The following GALNT17 variants were observed in gnomAD, a reference collection of about 807,000 sequenced individuals.
GALNT17 encodes UDP-GalNAc:polypeptide N-acetylgalactosaminyltransferase-like 3.
A neutral mutation model predicts 63.7 loss-of-function variants in GALNT17; 29 were observed. The observed-to-expected ratio is 0.46, with a 90% CI of 0.34 to 0.62. The LOEUF is 0.62. GALNT17 is among the 20% of genes least tolerant of loss of function. GALNT17 has a pLI of 0.01. For missense variants in GALNT17, 603 were observed against 799.6 expected, an observed-to-expected ratio of 0.75 and a Z score of 2.97; for synonymous variants, 305 against 318.3, an observed-to-expected ratio of 0.96 and a Z score of 0.45.
chr7:71,426,786 G>A (rs1786767927), intron 5 of GALNT17, among the ~76,000 whole-genome samples: 1 of 151,934 alleles, frequency 6.6e-6, no homozygotes. Context: ...TGGGCATGGT[G>A]ATGCACACCT....
At chr7:71,197,361 G>A (rs923876907) in intron 1 of GALNT17, among the ~76,000 whole-genome samples, 4 of 133,048 alleles carry the variant, frequency 3.0e-5, no homozygotes, top group Non-Finnish European at 6.2e-5. Context: ...CACCACGGCC[G>A]GCTAATTTTT....
chr7:71,225,332 A>G (rs189245541), intron 1 of GALNT17, among the ~76,000 whole-genome samples: 13 of 152,348 alleles, frequency 8.5e-5, no homozygotes, highest in Admixed American at 2.6e-4. Context: ...AGCATGCACT[A>G]GGGATTATTA....
chr7:71,441,603 A>G (rs1001591561), intron 5 of GALNT17, among the ~76,000 whole-genome samples: 1 of 152,118 alleles, frequency 6.6e-6, no homozygotes, highest in South Asian at 2.1e-4. Context: ...CCCTGCATGC[A>G]TTAGGTATTT....
chr7:71,672,562 T>C (rs1438475773), intron 8 of GALNT17, among the ~76,000 whole-genome samples: 1 of 147,594 alleles, frequency 6.8e-6, no homozygotes. Context: ...GCAAGTTAAG[T>C]TAATTTTTTT....
At chr7:71,134,875 G>T (rs899748809) in intron 1 of GALNT17, among the ~76,000 whole-genome samples, 1 of 106,250 alleles carries the variant, frequency 9.4e-6, no homozygotes, top group East Asian at 3.4e-4. Flanking sequence ...TTGAGACAGG[G>T]TCTTCTCGCT....
At chr7:71,646,358 G>A (rs1385351337) in intron 6 of GALNT17, among the ~76,000 whole-genome samples, 1 of 152,206 alleles carries the variant, frequency 6.6e-6, no homozygotes, top group African/African-American at 2.4e-5. Flanking sequence ...GGATAACCCA[G>A]CTCAGCATGG....
At chr7:71,312,358 C>T (rs1583852492) in intron 1 of GALNT17, among the ~76,000 whole-genome samples, 2 of 152,234 alleles carry the variant, frequency 1.3e-5, no homozygotes, top group African/African-American at 2.4e-5. Flanking sequence ...TGCATTACTT[C>T]TACCAGCTCT....
chr7:71,455,371 G>A lies in GALNT17; in HGVS notation c.962+34266G>A, dbSNP rs1787335469. Among the ~76,000 whole-genome samples the A allele has an allele frequency of 2.0e-5, 3 of 152,208 alleles. No homozygotes were observed. The South Asian group carries it at 6.2e-4, about 32-fold the overall frequency. On this transcript the variant is annotated intron_variant, in intron 5 of 10. Coordinates refer to ENST00000333538, the MANE Select transcript of GALNT17 (RefSeq NM_022479.3). ...GTGTTCAACCTCCCATCCTGTCATG[G>A]CTGGAAACTCAGTTTGAAGGTTGCT...
chr7:71,688,740 A>G (rs546514446), intron 9 of GALNT17, among the ~76,000 whole-genome samples: 1 of 152,174 alleles, frequency 6.6e-6, no homozygotes, highest in Non-Finnish European at 1.5e-5. Flanking sequence ...CCATTAAGAA[A>G]CAACTCTATA....
chr7:71,183,655 G>T (rs1267565983), intron 1 of GALNT17, among the ~76,000 whole-genome samples: 1 of 152,132 alleles, frequency 6.6e-6, no homozygotes, highest in Non-Finnish European at 1.5e-5. Context: ...CCAGCACTTT[G>T]GTAGGCCAAG....
At chr7:71,673,421 G>A (rs1791101245) in intron 8 of GALNT17, among the ~76,000 whole-genome samples, 1 of 152,150 alleles carries the variant, frequency 6.6e-6, no homozygotes, top group South Asian at 2.1e-4. Context: ...AACTCAGGAT[G>A]ATAAAACTGA....
chr7:71,392,016 G>A (rs185721245), intron 3 of GALNT17, among the ~76,000 whole-genome samples: 1 of 152,120 alleles, frequency 6.6e-6, no homozygotes, highest in African/African-American at 2.4e-5. Flanking sequence ...AGGAGGCATC[G>A]AGCCACAAAT....
intron 2 of GALNT17, among the ~76,000 whole-genome samples, chr7:71,364,031 A>C (rs995062234): frequency 7.9e-5 from 12 of 152,264 alleles, no homozygotes; most frequent in South Asian, 4.2e-4. Flanking sequence ...GTTTTTTTCC[A>C]TAAGTTATTG....
At position 71,657,026 on chromosome 7, in the gene GALNT17, A is replaced by G. The variant is rs530861552; in HGVS notation, c.1081-8385A>G. Among the ~76,000 whole-genome samples, 3 of 152,318 alleles carry G rather than the reference A, an allele frequency of 2.0e-5. No individual in the cohort carries two copies. The South Asian group carries it at 6.2e-4, about 32-fold the overall frequency. On this transcript the variant is annotated intron_variant, in intron 6 of 10. Transcript: ENST00000333538. ...AATGGCACAATTGAAAACTCTCACC[A>G]GAATATTTTGGATCCAAACCTACTT... is the stretch of plus-strand genomic sequence containing the variant.
intron 6 of GALNT17, among the ~76,000 whole-genome samples, chr7:71,640,088 A>G (rs981191548): frequency 6.6e-6 from 1 of 152,210 alleles, no homozygotes; most frequent in Non-Finnish European, 1.5e-5. Flanking sequence ...ATTTTTTCCA[A>G]TAAGATTTGC....
intron 5 of GALNT17, among the ~76,000 whole-genome samples, chr7:71,451,739 G>A (rs6963081): frequency 0.59 from 89,549 of 151,830 alleles, 27,218 homozygotes; most frequent in Non-Finnish European, 0.66. Context: ...TTTATATGTA[G>A]TGTTTGAGTT....
At chr7:71,262,686 T>G (rs1790407757) in intron 1 of GALNT17, among the ~76,000 whole-genome samples, 1 of 148,168 alleles carries the variant, frequency 6.7e-6, no homozygotes. Context: ...TTTCTTTTTT[T>G]TTTTTTTTTT....
At chr7:71,327,363 G>C (rs1327215562) in intron 1 of GALNT17, among the ~76,000 whole-genome samples, 1 of 152,198 alleles carries the variant, frequency 6.6e-6, no homozygotes, top group Non-Finnish European at 1.5e-5. Flanking sequence ...GAGAGAATGA[G>C]AGCCAATTGA....
chr7:71,224,090 T>A (rs1789638040), intron 1 of GALNT17, among the ~76,000 whole-genome samples: 1 of 152,212 alleles, frequency 6.6e-6, no homozygotes, highest in South Asian at 2.1e-4. Flanking sequence ...TTTTTATGTC[T>A]GTTGCCCAGG....
Sources: gnomAD v4.1 joint callset for allele counts (sites outside exome capture counted in the v4.1 genomes callset) on GRCh38, gnomAD v4.1.1 for gene constraint, MANE v1.5 for transcripts, NCBI Gene and HGNC (gene_info 2026-07-23, HGNC 2026-07-21) for gene names.